SOX5: variants seen among roughly 807,000 people sequenced by gnomAD.
The protein encoded by SOX5 is SRY-box transcription factor 5, also known as transcription factor SOX-5.
A neutral mutation model predicts 92.0 loss-of-function variants in SOX5; 9 were observed. The ratio of observed to expected loss-of-function variants is 0.10; its 90% confidence interval spans 0.06 to 0.17. The LOEUF (loss-of-function observed/expected upper bound fraction) is 0.17. Among genes scored for constraint, SOX5 ranks in the 10% least tolerant of loss-of-function variants. SOX5 has a pLI of 1.00. For synonymous variants in SOX5, 344 were observed against 336.3 expected (o/e 1.02, Z -0.25); for missense variants, 642 against 944.5 (o/e 0.68, Z 4.20).
At chr12:23,684,784 T>C (rs1467976307) in intron 6 of SOX5, among the ~76,000 whole-genome samples, 2 of 152,172 alleles carry the variant, frequency 1.3e-5, no homozygotes, top group Non-Finnish European at 2.9e-5. Context: ...TTAAATTACA[T>C]GACTTCCTAA....
At chr12:23,780,848 A>G (rs1288288950) in intron 3 of SOX5, among the ~76,000 whole-genome samples, 2 of 152,092 alleles carry the variant, frequency 1.3e-5, no homozygotes, top group East Asian at 1.9e-4. Context: ...CTGGCATTAT[A>G]AGATAGAGTA....
intron 6 of SOX5, among the ~76,000 whole-genome samples, chr12:23,715,276 G>A (rs1460520626): frequency 1.5e-5 from 2 of 129,416 alleles, no homozygotes; most frequent in East Asian, 2.0e-4. Context: ...TCCAGCCTGG[G>A]GGAAAGACTC....
intron 3 of SOX5, among the ~76,000 whole-genome samples, chr12:24,245,879 G>T (rs985465067): frequency 2.6e-5 from 4 of 152,102 alleles, no homozygotes; most frequent in Non-Finnish European, 5.9e-5. Context: ...AAAAAAACTT[G>T]TTAGTGATAA....
chr12:23,823,264 T>A (rs2096159745), intron 3 of SOX5, among the ~76,000 whole-genome samples: 1 of 152,218 alleles, frequency 6.6e-6, no homozygotes, highest in African/African-American at 2.4e-5. Flanking sequence ...CCATTTTTCC[T>A]TTTCAAATTT....
At chr12:24,190,875 G>A (rs1204422902) in intron 4 of SOX5, among the ~76,000 whole-genome samples, 2 of 152,056 alleles carry the variant, frequency 1.3e-5, no homozygotes, top group Non-Finnish European at 2.9e-5. Flanking sequence ...CAACTCCAAG[G>A]GGAGAAAGTT....
intron 4 of SOX5, among the ~76,000 whole-genome samples, chr12:24,212,787 T>C (rs116026748): frequency 2.7e-3 from 414 of 152,322 alleles, no homozygotes; most frequent in African/African-American, 9.5e-3. Context: ...ACATAGAAAT[T>C]GATTTAATTA....
intron 1 of SOX5, among the ~76,000 whole-genome samples, chr12:24,470,694 T>C (rs1351194330): frequency 6.6e-6 from 1 of 152,202 alleles, no homozygotes; most frequent in Non-Finnish European, 1.5e-5. Context: ...AAAACAGTGT[T>C]GTGGAAAGTA....
intron 2 of SOX5, among the ~76,000 whole-genome samples, chr12:23,855,712 T>C (rs1335922015): frequency 6.6e-6 from 1 of 152,080 alleles, no homozygotes; most frequent in Non-Finnish European, 1.5e-5. Context: ...GTACAAATTC[T>C]CCATTTTTGC....
At chr12:23,871,016 AAG>A (rs1323846767) in intron 2 of SOX5, among the ~76,000 whole-genome samples, 1 of 152,170 alleles carries the variant, frequency 6.6e-6, no homozygotes, top group Non-Finnish European at 1.5e-5. Context: ...CTTAACTATG[AAG>A]AATTAGATGA....
intron 1 of SOX5, among the ~76,000 whole-genome samples, chr12:24,452,401 G>A (rs910967159): frequency 6.6e-6 from 1 of 152,170 alleles, no homozygotes; most frequent in South Asian, 2.1e-4. Context: ...CACAGTTACT[G>A]GAGAAGTTCG....
Position 24,005,562 on chromosome 12 carries a change from C to T in SOX5, c.-1-109538G>A, listed in dbSNP as rs538318298. On this transcript the variant is annotated intron_variant, in intron 4 of 4. Transcript: ENST00000446891. ...TTATTTCTTCACTAAATATGCTAACCATTTGCAACTTCATTGAAGAGGACT... is the reference window on the plus strand; with the variant it reads ...TTATTTCTTCACTAAATATGCTAACTATTTGCAACTTCATTGAAGAGGACT... Among the ~76,000 whole-genome samples the T allele has an allele frequency of 7.2e-5, 11 of 152,214 alleles. No homozygotes were observed. In the South Asian group the frequency reaches 2.3e-3, roughly 32 times the overall value.
intron 3 of SOX5, among the ~76,000 whole-genome samples, chr12:23,808,079 T>C (rs2095813015): frequency 6.6e-6 from 1 of 151,654 alleles, no homozygotes; most frequent in African/African-American, 2.4e-5. Context: ...AATATATGTT[T>C]GAGCAAGGCA....
At chr12:23,985,273 C>T (rs1480403909) in intron 4 of SOX5, among the ~76,000 whole-genome samples, 3 of 128,706 alleles carry the variant, frequency 2.3e-5, no homozygotes, top group African/African-American at 8.7e-5. Flanking sequence ...AAGACAGGGT[C>T]CCACTCCATC....
intron 4 of SOX5, among the ~76,000 whole-genome samples, chr12:24,102,172 T>C (rs145880299): frequency 6.6e-6 from 1 of 152,204 alleles, no homozygotes; most frequent in Non-Finnish European, 1.5e-5. Context: ...GTGTAGCACC[T>C]GCTGCATGTT....
intron 1 of SOX5, among the ~76,000 whole-genome samples, chr12:23,902,304 T>A (rs751670473): frequency 4.6e-5 from 7 of 152,180 alleles, no homozygotes; most frequent in Non-Finnish European, 8.8e-5. Context: ...CTTTTTTAAG[T>A]TTCTTTCTTT....
intron 1 of SOX5, among the ~76,000 whole-genome samples, chr12:24,440,887 C>A (rs1050475986): frequency 2.0e-5 from 3 of 152,024 alleles, no homozygotes; most frequent in African/African-American, 7.2e-5. Context: ...CACAGTAAGC[C>A]GAATATAACA....
chr12:23,601,076 T>G (rs371924390), intron 9 of SOX5, among the ~76,000 whole-genome samples: 1 of 151,934 alleles, frequency 6.6e-6, no homozygotes, highest in African/African-American at 2.4e-5. Context: ...AGCTTGGAGG[T>G]CACAGCCACT....
intron 2 of SOX5, among the ~76,000 whole-genome samples, chr12:23,883,598 A>C (rs747348409): frequency 1.4e-4 from 22 of 152,322 alleles, no homozygotes; most frequent in Non-Finnish European, 1.5e-5. Flanking sequence ...CACCATTTTA[A>C]TATGAGAAAA....
intron 4 of SOX5, among the ~76,000 whole-genome samples, chr12:23,985,707 T>C (rs907675187): frequency 1.3e-5 from 2 of 151,860 alleles, no homozygotes; most frequent in African/African-American, 4.8e-5. Context: ...ACTGTATGAG[T>C]TTGCTATTGC....
Sources: allele counts gnomAD v4.1 joint callset (sites outside exome capture counted in the v4.1 genomes callset), GRCh38; gene constraint gnomAD v4.1.1; transcripts MANE v1.5; gene names NCBI Gene and HGNC (gene_info 2026-07-23, HGNC 2026-07-21).